Variants in ABCA13 observed in about 807,000 individuals in gnomAD.
ABCA13 encodes ATP binding cassette subfamily A member 13.
Under a neutral mutation model 478.7 loss-of-function variants are expected in ABCA13, and 476 were observed. That is an observed-to-expected ratio of 0.99 (90% CI 0.92 to 1.07). ABCA13 has a LOEUF of 1.07. Among genes scored for constraint, ABCA13 ranks in the 50% least tolerant of loss-of-function variants. The pLI is 0.00. For synonymous variants in ABCA13, 2,252 were observed against 2,158.9 expected (o/e 1.04, Z -1.20); for missense variants, 6,060 against 5,910.6 (o/e 1.03, Z -0.83).
rs2222648 is a variant in ABCA13, at chr7:48,279,214, C to T, written c.8020C>T (p.Arg2674Trp). ...ATTTTCTATGGATTCTGTCAACTTACGGGAAGAAATTCTGGGTTGCTTAGT... is the reference window on the plus strand; with the variant it reads ...ATTTTCTATGGATTCTGTCAACTTATGGGAAGAAATTCTGGGTTGCTTAGT... ...QTFSMDSVNL[R>W]EEILGCLVPI... The change falls in exon 18 of 62, where the codon CGG becomes TGG. Residue 2674 changes from arginine (R) to tryptophan (W), a missense_variant. Physicochemically the swap from Arg to Trp is moderately radical, Grantham distance 101 (BLOSUM62 -3). Coordinates refer to ENST00000435803, the MANE Select transcript of ABCA13 (RefSeq NM_152701.5). The T allele has an allele frequency of 0.77, 1,229,394 of 1,590,728 alleles. 477,194 individuals are homozygous for T. Among genetic ancestry groups the T allele is most frequent in the East Asian group, 0.99 (43,927 of 44,350 alleles).
chr7:48,580,935 GGA>G (rs1318436398), intron 56 of ABCA13, among the ~76,000 whole-genome samples: 4 of 152,196 alleles, frequency 2.6e-5, no homozygotes, highest in Non-Finnish European at 5.9e-5. Flanking sequence ...GCCTGTGACA[GGA>G]GAGAGGCAGG....
At chr7:48,505,910 G>A (rs1443200060) in intron 48 of ABCA13, among the ~76,000 whole-genome samples, 2 of 152,144 alleles carry the variant, frequency 1.3e-5, no homozygotes, top group East Asian at 1.9e-4. Flanking sequence ...TGAAACAGTC[G>A]TTATCTATCT....
chr7:48,355,260 A>T (rs774803106), intron 31 of ABCA13, among the ~76,000 whole-genome samples: 1 of 151,972 alleles, frequency 6.6e-6, no homozygotes, highest in Non-Finnish European at 1.5e-5. Context: ...TCAGGAAGGT[A>T]GCATTTTAAC....
chr7:48,281,327 A>T lies in ABCA13; in HGVS notation c.8727-16A>T. 2 of 1,576,650 alleles carry T rather than the reference A, an allele frequency of 1.3e-6. No homozygotes were observed. Among genetic ancestry groups the T allele is most frequent in the South Asian group, 2.3e-5 (2 of 86,068 alleles). Reference sequence around the variant, plus strand: ...TTTTTACCCTTTTATGTCATTGTATATATTTTTTTGCTAAGTGTTGTTGAG... The same window carrying T: ...TTTTTACCCTTTTATGTCATTGTATTTATTTTTTTGCTAAGTGTTGTTGAG... On this transcript the variant is annotated splice_polypyrimidine_tract_variant and intron_variant, in intron 18 of 61. Coordinates refer to ENST00000435803, the MANE Select transcript of ABCA13 (RefSeq NM_152701.5).
chr7:48,511,019 G>A (rs1831632397), intron 50 of ABCA13, 65 bp from the exon 51 acceptor site: 1 of 1,280,316 alleles, frequency 7.8e-7, no homozygotes, highest in Admixed American at 1.8e-5. Flanking sequence ...TTCAGGATAA[G>A]TAGATGATAA....
At chr7:48,467,081 C>A in intron 44 of ABCA13, 36 bp downstream of exon 44, 1 of 1,560,990 alleles carries the variant, frequency 6.4e-7, no homozygotes, top group Non-Finnish European at 8.8e-7. Flanking sequence ...AGTGAACACT[C>A]CCAACTGGTA....
At chr7:48,212,284 A>G (rs529904335) in intron 3 of ABCA13, among the ~76,000 whole-genome samples, 1 of 152,344 alleles carries the variant, frequency 6.6e-6, no homozygotes, top group South Asian at 2.1e-4. Flanking sequence ...TCAAGCACAC[A>G]GAATCTTTCT....
At chr7:48,395,569 G>T (rs969488289) in intron 38 of ABCA13, among the ~76,000 whole-genome samples, 2 of 152,098 alleles carry the variant, frequency 1.3e-5, no homozygotes, top group African/African-American at 4.8e-5. Context: ...TGCCTGACCT[G>T]CCTCAACCAC....
intron 55 of ABCA13, among the ~76,000 whole-genome samples, chr7:48,556,982 G>A (rs544261847): frequency 1.3e-5 from 2 of 151,736 alleles, no homozygotes; most frequent in African/African-American, 2.4e-5. Flanking sequence ...TTGAGTTACC[G>A]TGAAGCTTGC....
At chr7:48,529,178 T>A (rs1250516536) in intron 55 of ABCA13, among the ~76,000 whole-genome samples, 1 of 152,174 alleles carries the variant, frequency 6.6e-6, no homozygotes. Flanking sequence ...CAAGAAGAAA[T>A]CCCCTGCTCT....
chr7:48,443,305 G>A (rs933751664), intron 42 of ABCA13, among the ~76,000 whole-genome samples: 1 of 152,218 alleles, frequency 6.6e-6, no homozygotes, highest in Middle Eastern at 3.2e-3. Context: ...TGGGCAATGT[G>A]AGAGTTCGGC....
At chr7:48,619,352 A>G (rs1039921899) in intron 59 of ABCA13, among the ~76,000 whole-genome samples, 1 of 152,056 alleles carries the variant, frequency 6.6e-6, no homozygotes, top group African/African-American at 2.4e-5. Flanking sequence ...ATAGGCCACT[A>G]TCTAGTGTGT....
In ABCA13 at chr7:48,279,347, C is replaced by G. The variant is rs756489850; in HGVS notation, c.8153C>G (p.Pro2718Arg). 1 of 1,586,264 alleles carries G rather than the reference C, an allele frequency of 6.3e-7. No individual in the cohort carries two copies. The highest frequency in any genetic ancestry group is 8.6e-7 in the Non-Finnish European group (1 of 1,163,976). ...IKWEIIHEVIPFLDKILSQNS... is the reference protein window; with the variant it reads ...IKWEIIHEVIRFLDKILSQNS... ...TGGGAAATAATTCATGAAGTGATCC[C>G]TTTTTTGGATAAAATATTATCACAA... Residue 2718 changes from proline to arginine, a missense_variant, in exon 18 of 62, where the codon CCT becomes CGT. By Grantham distance (103) the Pro-to-Arg change is moderately radical. Coordinates refer to ENST00000435803, the MANE Select transcript of ABCA13 (RefSeq NM_152701.5).
At chr7:48,365,017 A>G (rs1043969173) in intron 31 of ABCA13, among the ~76,000 whole-genome samples, 1 of 152,146 alleles carries the variant, frequency 6.6e-6, no homozygotes, top group Non-Finnish European at 1.5e-5. Context: ...ACTAATTTAC[A>G]TTCCCACCTA....
chr7:48,301,784 T>C (rs1800190150), intron 23 of ABCA13, among the ~76,000 whole-genome samples: 1 of 152,176 alleles, frequency 6.6e-6, no homozygotes, highest in African/African-American at 2.4e-5. Context: ...ACCATCTCAT[T>C]CTCTGGTGTT....
intron 58 of ABCA13, among the ~76,000 whole-genome samples, chr7:48,611,581 C>A (rs1792030101): frequency 6.6e-6 from 1 of 152,144 alleles, no homozygotes; most frequent in African/African-American, 2.4e-5. Context: ...CTTACATGGC[C>A]AGAGCAGGAG....
chr7:48,203,182 G>T (rs12718301), intron 3 of ABCA13, among the ~76,000 whole-genome samples: 58,482 of 152,102 alleles, frequency 0.38, 12,927 homozygotes, highest in Non-Finnish European at 0.5. Flanking sequence ...GCCTGGGGCC[G>T]GCAGGGCCGG....
chr7:48,644,706 C>T lies in ABCA13; in HGVS notation c.15033C>T (p.Thr5011=). Residue 5011 remains threonine (T), a synonymous_variant, in exon 61 of 62, where the codon ACC becomes ACT. Transcript: ENST00000435803. ...TCAAAGTTATAGAGAACAATAAAAC[C>T]TTCTTGAATATTAAGCATTATTCCA... The part of the protein sequence containing the change: ...DLFKVIENNK[T]FLNIKHYSIN... 6.2e-7 allele frequency: 1 copy of T among 1,608,946 alleles called. No homozygotes were observed. The highest frequency in any genetic ancestry group is 8.5e-7 in the Non-Finnish European group (1 of 1,178,586).
intron 1 of ABCA13, among the ~76,000 whole-genome samples, chr7:48,186,425 G>T (rs1430710605): frequency 1.3e-5 from 2 of 152,116 alleles, no homozygotes; most frequent in African/African-American, 4.8e-5. Flanking sequence ...TTTCTTTGAG[G>T]TGATGTGTCC....
Sources: allele counts gnomAD v4.1 joint callset (sites outside exome capture counted in the v4.1 genomes callset), GRCh38; gene constraint gnomAD v4.1.1; transcripts MANE v1.5; gene names NCBI Gene and HGNC (gene_info 2026-07-23, HGNC 2026-07-21).